SRD5A2: variants seen among roughly 807,000 people sequenced by gnomAD.
SRD5A2 encodes 3-oxo-5-alpha-steroid 4-dehydrogenase 2.
A neutral mutation model predicts 27.4 loss-of-function variants in SRD5A2; 30 were observed. That is an observed-to-expected ratio of 1.10 (90% CI 0.82 to 1.49). The LOEUF is 1.49. SRD5A2 is among the 40% of genes most tolerant of loss of function. SRD5A2 has a pLI of 0.00. For missense variants in SRD5A2, 348 were observed against 323.4 expected, an observed-to-expected ratio of 1.08 and a Z score of -0.58; for synonymous variants, 141 against 133.6, an observed-to-expected ratio of 1.06 and a Z score of -0.38.
the SRD5A2 span, among the ~76,000 whole-genome samples, chr2:31,634,028 G>A: frequency 6.6e-6 from 1 of 152,132 alleles, no homozygotes; most frequent in Non-Finnish European, 1.5e-5. Flanking sequence ...GAGCACAGGG[G>A]GATATAATGC....
At chr2:31,662,129 C>A in the SRD5A2 span, among the ~76,000 whole-genome samples, 1 of 152,082 alleles carries the variant, frequency 6.6e-6, no homozygotes, top group Admixed American at 6.6e-5. Flanking sequence ...TCTGAGTAAC[C>A]ATAGTCAGCT....
chr2:31,621,050 A>G, the SRD5A2 span, among the ~76,000 whole-genome samples: 1 of 151,030 alleles, frequency 6.6e-6, no homozygotes, highest in Non-Finnish European at 1.5e-5. Flanking sequence ...TTATATTTTG[A>G]GACCATCACA....
the SRD5A2 span, among the ~76,000 whole-genome samples, chr2:31,612,003 T>A: frequency 2.0e-5 from 3 of 152,050 alleles, no homozygotes; most frequent in African/African-American, 7.2e-5. Context: ...ACTGGCTGAG[T>A]GTGGTGGCTC....
the SRD5A2 span, among the ~76,000 whole-genome samples, chr2:31,593,234 C>T: frequency 6.6e-6 from 1 of 151,864 alleles, no homozygotes; most frequent in Non-Finnish European, 1.5e-5. Flanking sequence ...ACATTGTGCA[C>T]ATGTACCCTA....
chr2:31,526,506 G>T (rs1665784441), intron 4 of SRD5A2, among the ~76,000 whole-genome samples: 1 of 152,148 alleles, frequency 6.6e-6, no homozygotes. Context: ...GCAATATTAT[G>T]AATGTACCTA....
chr2:31,656,291 A>G, the SRD5A2 span, among the ~76,000 whole-genome samples: 3 of 152,188 alleles, frequency 2.0e-5, no homozygotes, highest in African/African-American at 7.2e-5. Flanking sequence ...TTGGCTCTCA[A>G]CACATCACAT....
chr2:31,608,424 G>A, the SRD5A2 span, among the ~76,000 whole-genome samples: 1 of 149,108 alleles, frequency 6.7e-6, no homozygotes, highest in African/African-American at 2.4e-5. Flanking sequence ...TACAAAACGG[G>A]GGCAGGAAAG....
At chr2:31,641,048 T>C in the SRD5A2 span, among the ~76,000 whole-genome samples, 9 of 152,164 alleles carry the variant, frequency 5.9e-5, no homozygotes, top group African/African-American at 2.2e-4. Context: ...ATCTACTCAT[T>C]TTTCCACTTC....
At chr2:31,660,440 TG>T in the SRD5A2 span, among the ~76,000 whole-genome samples, 1 of 152,110 alleles carries the variant, frequency 6.6e-6, no homozygotes. Flanking sequence ...CACATGTGCA[TG>T]AGTCATACAC....
At chr2:31,529,885 T>G (rs1054926647) in intron 3 of SRD5A2, among the ~76,000 whole-genome samples, 2 of 152,124 alleles carry the variant, frequency 1.3e-5, no homozygotes, top group African/African-American at 4.8e-5. Flanking sequence ...GCACACTACA[T>G]TAAAATAATA....
chr2:31,534,727 G>A (rs1205570105), intron 1 of SRD5A2, among the ~76,000 whole-genome samples: 1 of 152,162 alleles, frequency 6.6e-6, no homozygotes, highest in African/African-American at 2.4e-5. Flanking sequence ...GACAAGATCT[G>A]CAGATTTCAC....
At chr2:31,553,467 C>A (rs1666422122) in intron 1 of SRD5A2, among the ~76,000 whole-genome samples, 1 of 152,042 alleles carries the variant, frequency 6.6e-6, no homozygotes, top group Non-Finnish European at 1.5e-5. Flanking sequence ...AAATCTAGAC[C>A]AAGACACATT....
At chr2:31,553,363 A>G (rs1666419554) in intron 1 of SRD5A2, among the ~76,000 whole-genome samples, 1 of 152,220 alleles carries the variant, frequency 6.6e-6, no homozygotes, top group Non-Finnish European at 1.5e-5. Context: ...GCTTATTTAA[A>G]GAAACAATCA....
rs184627914 is a variant in SRD5A2, at chr2:31,523,370, T to G, written c.*2826A>C. ...TGCATGAGCTCTGTAGAAATCCAGA[T>G]GGCAGCCCTAAAGGCTGTGCCTTAA... On this transcript the variant is annotated 3_prime_UTR_variant, in exon 5 of 5. Transcript: ENST00000622030. 2.3e-5 allele frequency: 5 copies of G among 214,168 alleles called. No homozygotes were observed. In the Admixed American group the frequency reaches 2.3e-4, roughly 10 times the overall value. 13.3% of individuals were successfully genotyped at this position (214,168 alleles called of 1,614,324 possible).
intron 1 of SRD5A2, among the ~76,000 whole-genome samples, chr2:31,554,976 T>C (rs888257983): frequency 5.3e-5 from 8 of 151,136 alleles, no homozygotes; most frequent in Non-Finnish European, 1.2e-4. Context: ...TGTATGTGTG[T>C]GTGTGTGTTA....
chr2:31,592,105 T>C, the SRD5A2 span, among the ~76,000 whole-genome samples: 11 of 136,296 alleles, frequency 8.1e-5, no homozygotes, highest in Admixed American at 2.2e-4. Flanking sequence ...AAAACAAAAA[T>C]AAAAACAGCC....
the SRD5A2 span, among the ~76,000 whole-genome samples, chr2:31,637,515 C>T: frequency 3.9e-5 from 6 of 152,062 alleles, no homozygotes; most frequent in African/African-American, 1.4e-4. Flanking sequence ...TCTAGGAACT[C>T]CCTGCCCTTT....
chr2:31,641,025 T>C, the SRD5A2 span, among the ~76,000 whole-genome samples: 1 of 152,164 alleles, frequency 6.6e-6, no homozygotes, highest in African/African-American at 2.4e-5. Context: ...AAAAGTCTTA[T>C]TATTCTCCTC....
At chr2:31,580,515 A>T in intron 1 of SRD5A2, 105 bp downstream of exon 1, 1 of 1,356,670 alleles carries the variant, frequency 7.4e-7, no homozygotes. Flanking sequence ...ACAGCGCCCC[A>T]CGCTGCCTCC....
Sources: gnomAD v4.1 joint callset for allele counts (sites outside exome capture counted in the v4.1 genomes callset) on GRCh38, gnomAD v4.1.1 for gene constraint, MANE v1.5 for transcripts, NCBI Gene and HGNC (gene_info 2026-07-23, HGNC 2026-07-21) for gene names.